The following MDGA1 variants were observed in gnomAD, a reference collection of about 807,000 sequenced individuals.
The protein encoded by MDGA1 is MAM domain containing glycosylphosphatidylinositol anchor 1.
In MDGA1, 54 loss-of-function variants were observed where a neutral mutation model predicts 101.5. The ratio of observed to expected loss-of-function variants is 0.53; its 90% CI spans 0.43 to 0.67. MDGA1 has a LOEUF of 0.67. MDGA1 is among the 30% of genes least tolerant of loss of function. The pLI, the probability that MDGA1 is intolerant of heterozygous loss-of-function variation, is 0.00. For missense variants in MDGA1, 1,083 were observed against 1,323.8 expected, an observed-to-expected ratio of 0.82 and a Z score of 2.82; for synonymous variants, 533 against 558.3, an observed-to-expected ratio of 0.95 and a Z score of 0.64.
intron 2 of MDGA1, among the ~76,000 whole-genome samples, chr6:37,659,275 C>G (rs1280970358): frequency 6.6e-6 from 1 of 152,060 alleles, no homozygotes. Context: ...GTTTGAAGCC[C>G]CTAAGTTTTG....
intron 1 of MDGA1, among the ~76,000 whole-genome samples, chr6:37,691,628 T>C (rs1023897943): frequency 1.3e-5 from 2 of 152,266 alleles, no homozygotes; most frequent in Admixed American, 1.3e-4. Flanking sequence ...TTACTCATAG[T>C]GTTATTCATA....
intron 1 of MDGA1, among the ~76,000 whole-genome samples, chr6:37,681,018 G>A (rs546790164): frequency 3.2e-4 from 48 of 151,806 alleles, no homozygotes; most frequent in African/African-American, 1.1e-3. Context: ...CAGGAAACCT[G>A]GGCAGGACCA....
Position 37,666,594 on chromosome 6 carries a change from G to C in MDGA1, c.68-2488C>G, listed in dbSNP as rs1182946078. Among the ~76,000 whole-genome samples, 4 of 152,312 alleles carry C rather than the reference G, an allele frequency of 2.6e-5. No individual in the cohort carries two copies. The South Asian group carries it at 6.2e-4, about 24-fold the overall frequency. The stretch of plus-strand genomic sequence containing the variant: ...AATAAAGCAGCAGGCCTGTGTTTCT[G>C]TCAAATTCAGGATTCTTGTCTTTCT... On this transcript the variant is annotated intron_variant, in intron 1 of 16. Transcript: ENST00000434837.
intron 1 of MDGA1, among the ~76,000 whole-genome samples, chr6:37,671,347 C>T (rs180831309): frequency 2.6e-5 from 4 of 152,328 alleles, no homozygotes; most frequent in East Asian, 3.9e-4. Context: ...CCCCCTTCTT[C>T]GCAGAGCACA....
At position 37,647,868 on chromosome 6, in the gene MDGA1, C is replaced by T. The variant is rs1382575004; in HGVS notation, c.1895-544G>A. Among the ~76,000 whole-genome samples the T allele has an allele frequency of 2.0e-5, 3 of 152,160 alleles. No homozygotes were observed. The East Asian group carries it at 5.8e-4, about 29-fold the overall frequency. On this transcript the variant is annotated intron_variant, in intron 9 of 16. Coordinates refer to ENST00000434837, the MANE Select transcript of MDGA1 (RefSeq NM_153487.4). ...AAGGGCCAGTGACCTGCCGTCCTAT[C>T]CCCCTGCTGTTGAGTGAGGGATTCA...
intron 1 of MDGA1, among the ~76,000 whole-genome samples, chr6:37,695,185 A>C (rs1023017483): frequency 1.3e-5 from 2 of 152,052 alleles, no homozygotes; most frequent in Non-Finnish European, 2.9e-5. Flanking sequence ...AGGGCTCTCC[A>C]TCACCCTCCC....
At chr6:37,658,803 T>C (rs1453960769) in intron 2 of MDGA1, among the ~76,000 whole-genome samples, 3 of 151,832 alleles carry the variant, frequency 2.0e-5, no homozygotes, top group African/African-American at 7.3e-5. Context: ...AAACCACGGC[T>C]CTACTAAAAA....
chr6:37,637,175 C>T lies in MDGA1; in HGVS notation c.*193G>A, dbSNP rs368014921. On this transcript the variant is annotated 3_prime_UTR_variant, in exon 17 of 17. Coordinates refer to ENST00000434837, the MANE Select transcript of MDGA1 (RefSeq NM_153487.4). ...AGTGTGTGCGTGTGTGCAAGTGGAA[C>T]AGCTGTCTCCAGGGCCTCAGTGCCT... 3.4e-5 allele frequency: 19 copies of T among 564,376 alleles called. No individual in the cohort carries two copies. Among genetic ancestry groups the T allele is most frequent in the African/African-American group, 2.1e-4 (11 of 53,122 alleles). The allele number at this position is 564,376 out of a possible 1,614,324, so 35.0% of individuals were successfully genotyped here.
intron 2 of MDGA1, 48 bp from the exon 3 acceptor site, chr6:37,658,467 T>TGG (rs1025002342): frequency 1.3e-6 from 2 of 1,552,050 alleles, no homozygotes; most frequent in South Asian, 1.2e-5. Context: ...TCACACGGGG[T>TGG]GGGGGCCTCA....
At chr6:37,647,081 C>T in intron 10 of MDGA1, 92 bp downstream of exon 10, 1 of 1,247,546 alleles carries the variant, frequency 8.0e-7, no homozygotes, top group Non-Finnish European at 1.1e-6. Context: ...TAAGCCCCAT[C>T]TCCGACCCTT....
intron 1 of MDGA1, among the ~76,000 whole-genome samples, chr6:37,671,286 A>AT (rs1477149623): frequency 6.6e-6 from 1 of 152,248 alleles, no homozygotes; most frequent in East Asian, 1.9e-4. Context: ...CAGTAAACAC[A>AT]TCTGTGTAAC....
chr6:37,667,080 C>G (rs1761772089), intron 1 of MDGA1, among the ~76,000 whole-genome samples: 1 of 152,198 alleles, frequency 6.6e-6, no homozygotes, highest in African/African-American at 2.4e-5. Context: ...GGGCCTTCCC[C>G]CAACACTGAT....
intron 1 of MDGA1, among the ~76,000 whole-genome samples, chr6:37,693,449 A>T (rs964990213): frequency 3.9e-5 from 6 of 152,222 alleles, no homozygotes; most frequent in African/African-American, 1.4e-4. Flanking sequence ...ACCTTTGGTG[A>T]AATATTTTGA....
intron 5 of MDGA1, 81 bp downstream of exon 5, chr6:37,654,719 G>A: frequency 6.3e-7 from 1 of 1,581,720 alleles, no homozygotes; most frequent in Non-Finnish European, 8.6e-7. Flanking sequence ...TGTGCCTGGA[G>A]TCCCTGTGGG....
chr6:37,647,904 G>T (rs965500313), intron 9 of MDGA1, among the ~76,000 whole-genome samples: 4 of 152,132 alleles, frequency 2.6e-5, no homozygotes, highest in Admixed American at 6.5e-5. Context: ...AACAGAAGCT[G>T]AAGGGCCACT....
At chr6:37,667,037 G>A (rs6458009) in intron 1 of MDGA1, among the ~76,000 whole-genome samples, 17,937 of 152,100 alleles carry the variant, frequency 0.12, 1,481 homozygotes, top group East Asian at 0.36. Context: ...ATGCTTAGTA[G>A]AGTCGTAATG....
chr6:37,662,643 A>AAAAAAAGTAAAGAAAAG (rs572346506), intron 2 of MDGA1, among the ~76,000 whole-genome samples: 1 of 145,230 alleles, frequency 6.9e-6, no homozygotes, highest in Admixed American at 6.9e-5. Flanking sequence ...TCAAAAAAAA[A>AAAAAAAGTAAAGAAAAG]AAAACAAGGA....
At position 37,652,446 on chromosome 6, in the gene MDGA1, G is replaced by A; in HGVS notation, c.983-106C>T. Reference sequence around the variant, plus strand: ...CTTCTCCCCTCTAGCTGGCCCTTCTGGGGATAGGGGGCTACAACTCCCCCA... The same window carrying A: ...CTTCTCCCCTCTAGCTGGCCCTTCTAGGGATAGGGGGCTACAACTCCCCCA... On this transcript the variant is annotated intron_variant, in intron 6 of 16. Coordinates refer to ENST00000434837, the MANE Select transcript of MDGA1 (RefSeq NM_153487.4). This position sits in a 1 kb window ranked among gnomAD's most constrained non-coding sequence, Gnocchi z 4.3. 5.3e-6 allele frequency: 4 copies of A among 754,106 alleles called. No homozygotes were observed. Among genetic ancestry groups the A allele is most frequent in the African/African-American group, 3.5e-5 (2 of 56,568 alleles). 46.7% of individuals were successfully genotyped at this position (754,106 alleles called of 1,614,324 possible).
At chr6:37,653,158 G>C (rs1385563748) in intron 6 of MDGA1, among the ~76,000 whole-genome samples, 1 of 152,202 alleles carries the variant, frequency 6.6e-6, no homozygotes, top group Non-Finnish European at 1.5e-5. Flanking sequence ...TGCTGGGAAA[G>C]GCGGGCTCTA....
Sources: allele counts gnomAD v4.1 joint callset (sites outside exome capture counted in the v4.1 genomes callset), GRCh38; gene constraint gnomAD v4.1.1; non-coding constraint Gnocchi (gnomAD v3.1); transcripts MANE v1.5; gene names NCBI Gene and HGNC (gene_info 2026-07-23, HGNC 2026-07-21).